DLGAP2: variants seen among roughly 807,000 people sequenced by gnomAD.
DLGAP2 encodes the protein disks large-associated protein 2.
A neutral mutation model predicts 100.3 loss-of-function variants in DLGAP2; 26 were observed. The ratio of observed to expected loss-of-function variants is 0.26; its 90% CI spans 0.19 to 0.36. DLGAP2 has a LOEUF of 0.36. Ranked by LOEUF, DLGAP2 falls within the 10% of genes least tolerant of loss-of-function variation. The probability of loss-of-function intolerance (pLI) is 1.00; values close to 1 mark genes in which losing one functional copy is unlikely to be tolerated. For missense variants in DLGAP2, 1,858 were observed against 1,453.2 expected, an observed-to-expected ratio of 1.28 and a Z score of -4.53; for synonymous variants, 886 against 630.1, an observed-to-expected ratio of 1.41 and a Z score of -6.08.
At position 1,483,735 on chromosome 8, in the gene DLGAP2, C is replaced by A. The variant is rs551296001; in HGVS notation, c.107-17631C>A. 2.1e-5 allele frequency among the ~76,000 whole-genome samples: 3 copies of A among 142,674 alleles called. No individual in the cohort carries two copies. In the South Asian group the frequency reaches 6.3e-4, roughly 30 times the overall value. The allele number at this position is 142,674 out of a possible 152,430, so 93.6% of individuals were successfully genotyped here. A position where few individuals can be genotyped will look rare whatever the true frequency, so the allele number is the denominator to read the frequency against. On this transcript the variant is annotated intron_variant, in intron 3 of 14. Transcript: ENST00000637795. ...GACGTGGGGACCAGGAAGGCAGGTG[C>A]AGAATGTGGGGACCAGGGAGGCATG...
chr8:1,019,422 A>G (rs1309066572), intron 2 of DLGAP2: 1 of 152,046 alleles, frequency 6.6e-6, no homozygotes, highest in Non-Finnish European at 1.5e-5. Flanking sequence ...AGAATCGCAC[A>G]TAGAAATAAT....
chr8:956,241 T>C (rs527508900), intron 2 of DLGAP2, among the ~76,000 whole-genome samples: 2 of 152,376 alleles, frequency 1.3e-5, no homozygotes, highest in African/African-American at 2.4e-5. Context: ...ACTTTTCCAC[T>C]GTGCACAGCG....
chr8:1,565,386 T>G (rs1186911030), intron 5 of DLGAP2: 1 of 320,082 alleles, frequency 3.1e-6, no homozygotes, highest in Admixed American at 4.9e-5. Context: ...AAACTAAATT[T>G]TAGCCAGTGC....
At chr8:1,338,301 G>A (rs73170473) in intron 3 of DLGAP2, among the ~76,000 whole-genome samples, 3,611 of 152,312 alleles carry the variant, frequency 0.024, 64 homozygotes, top group Middle Eastern at 0.061. Context: ...CCCATCTGCT[G>A]GCCAAGGGAT....
intron 1 of DLGAP2, among the ~76,000 whole-genome samples, chr8:744,484 C>T (rs776833911): frequency 6.6e-6 from 1 of 152,136 alleles, no homozygotes; most frequent in African/African-American, 2.4e-5. Flanking sequence ...CCTCCCTCTT[C>T]TCCGGCCACG....
At chr8:1,305,638 A>C (rs927259555) in intron 3 of DLGAP2, among the ~76,000 whole-genome samples, 1 of 152,210 alleles carries the variant, frequency 6.6e-6, no homozygotes. Flanking sequence ...CAGGATAAAA[A>C]TTACACTGAA....
intron 2 of DLGAP2, among the ~76,000 whole-genome samples, chr8:1,058,731 A>C (rs1010777410): frequency 3.3e-5 from 5 of 152,178 alleles, no homozygotes; most frequent in African/African-American, 1.2e-4. Flanking sequence ...GATTGGCCTT[A>C]TATTATATGG....
chr8:1,004,965 G>GCA (rs1477381942), intron 2 of DLGAP2, among the ~76,000 whole-genome samples: 2 of 152,210 alleles, frequency 1.3e-5, no homozygotes, highest in Non-Finnish European at 2.9e-5. Context: ...ATGGTCACAG[G>GCA]CACACACAGG....
chr8:1,537,736 A>C (rs144592255), intron 4 of DLGAP2, among the ~76,000 whole-genome samples: 1 of 52,618 alleles, frequency 1.9e-5, no homozygotes, highest in South Asian at 5.5e-4. Flanking sequence ...GATGGAAGGA[A>C]GGAAGGAAGG....
chr8:1,255,250 C>T (rs570862426), intron 2 of DLGAP2, among the ~76,000 whole-genome samples: 1 of 94,406 alleles, frequency 1.1e-5, no homozygotes, highest in Non-Finnish European at 1.9e-5. Flanking sequence ...CCCTCTCATC[C>T]TGCCCGGGTG....
intron 1 of DLGAP2, among the ~76,000 whole-genome samples, chr8:862,521 C>G (rs926576588): frequency 6.6e-6 from 1 of 152,076 alleles, no homozygotes; most frequent in Non-Finnish European, 1.5e-5. Flanking sequence ...CTAGGCTGGT[C>G]TCGATCTCCT....
chr8:1,600,850 C>T (rs1459866787), intron 6 of DLGAP2, among the ~76,000 whole-genome samples: 5 of 151,830 alleles, frequency 3.3e-5, no homozygotes, highest in Non-Finnish European at 5.9e-5. Flanking sequence ...GTTTATTACC[C>T]ACTTTCTGAA....
intron 3 of DLGAP2, among the ~76,000 whole-genome samples, chr8:1,358,578 T>C (rs1029754203): frequency 3.3e-5 from 5 of 152,146 alleles, no homozygotes; most frequent in Non-Finnish European, 7.4e-5. Context: ...CAATAAAACT[T>C]AGTGCAAGAA....
Position 878,037 on chromosome 8 carries a change from C to A in DLGAP2, c.19-29875C>A, listed in dbSNP as rs546954524. ...CTTCATTTGCTGTTTGCCAATGGAC[C>A]ATTTTCAGAGACTGTAGATGTTTTG... On this transcript the variant is annotated intron_variant, in intron 1 of 14. Transcript: ENST00000637795. Among the ~76,000 whole-genome samples, 14 of 152,290 alleles carry A rather than the reference C, an allele frequency of 9.2e-5. No homozygotes were observed. The South Asian group carries it at 1.7e-3, about 18-fold the overall frequency.
At chr8:744,242 ATTGGG>A (rs1820559338) in intron 1 of DLGAP2, among the ~76,000 whole-genome samples, 1 of 152,022 alleles carries the variant, frequency 6.6e-6, no homozygotes, top group African/African-American at 2.4e-5. Flanking sequence ...GACCCACGAG[ATTGGG>A]TTGGGAAGGT....
In DLGAP2 at chr8:773,215, G is replaced by C. The variant is rs190760478; in HGVS notation, c.18+35390G>C. ...CAAAGGCCTCTTTCTTTGGTGGGCA[G>C]ACAGCTGATTTCTCACAGTGTTTTC... On this transcript the variant is annotated intron_variant, in intron 1 of 14. Coordinates refer to ENST00000637795, the MANE Select transcript of DLGAP2 (RefSeq NM_001346810.2). 1.8e-3 allele frequency among the ~76,000 whole-genome samples: 270 copies of C among 152,252 alleles called. 2 individuals are homozygous for C. The highest frequency in any genetic ancestry group is 6.4e-3 in the African/African-American group (264 of 41,564).
At chr8:1,198,252 CT>C (rs1230503660) in intron 2 of DLGAP2, among the ~76,000 whole-genome samples, 1 of 152,180 alleles carries the variant, frequency 6.6e-6, no homozygotes, top group African/African-American at 2.4e-5. Flanking sequence ...CTGCACATCC[CT>C]CTAAGGAGGA....
chr8:1,601,602 A>G (rs1796626431), intron 6 of DLGAP2, among the ~76,000 whole-genome samples: 2 of 151,982 alleles, frequency 1.3e-5, no homozygotes, highest in South Asian at 2.1e-4. Context: ...TTTTACAGAC[A>G]GATCAGACCG....
At chr8:1,010,088 C>G (rs770094273) in intron 2 of DLGAP2, among the ~76,000 whole-genome samples, 1 of 152,210 alleles carries the variant, frequency 6.6e-6, no homozygotes, top group Non-Finnish European at 1.5e-5. Flanking sequence ...ACTTACTCAT[C>G]TTCAACAAAC....
Sources: gnomAD v4.1 joint callset for allele counts (sites outside exome capture counted in the v4.1 genomes callset) on GRCh38, gnomAD v4.1.1 for gene constraint, MANE v1.5 for transcripts, NCBI Gene and HGNC (gene_info 2026-07-23, HGNC 2026-07-21) for gene names.